The following WDFY3 variants were observed in gnomAD, a reference collection of about 807,000 sequenced individuals.
WDFY3 encodes WD repeat and FYVE domain-containing protein 3.
In WDFY3, 66 loss-of-function variants were observed where a neutral mutation model predicts 409.6. The observed-to-expected ratio is 0.16, with a 90% CI of 0.13 to 0.20. WDFY3 has a LOEUF of 0.20. Ranked by LOEUF, WDFY3 falls within the 10% of genes least tolerant of loss-of-function variation. The pLI is 1.00. For missense variants in WDFY3, 3,031 were observed against 4,298.1 expected (o/e 0.71, Z 8.24); for synonymous variants, 1,521 against 1,537.1 (o/e 0.99, Z 0.25).
At chr4:84,942,668 C>T (rs1772293428) in intron 1 of WDFY3, among the ~76,000 whole-genome samples, 1 of 152,212 alleles carries the variant, frequency 6.6e-6, no homozygotes, top group African/African-American at 2.4e-5. Flanking sequence ...CCTTACCAAA[C>T]TTAACATCAT....
At chr4:84,947,547 T>A (rs1017903244) in intron 1 of WDFY3, among the ~76,000 whole-genome samples, 4 of 139,826 alleles carry the variant, frequency 2.9e-5, no homozygotes, top group African/African-American at 1.0e-4. Context: ...ATAATAAAAA[T>A]AATAAATAAA....
intron 44 of WDFY3, among the ~76,000 whole-genome samples, chr4:84,729,607 T>C (rs925863643): frequency 6.6e-6 from 1 of 151,850 alleles, no homozygotes; most frequent in African/African-American, 2.4e-5. Context: ...ATAAATAAAA[T>C]TCAAAACTTA....
At chr4:84,941,502 A>G (rs976809189) in intron 1 of WDFY3, among the ~76,000 whole-genome samples, 1 of 152,090 alleles carries the variant, frequency 6.6e-6, no homozygotes, top group East Asian at 1.9e-4. Flanking sequence ...TGAGATAATC[A>G]TTGATAACAA....
At chr4:84,963,234 GCCAACAGGGTAAAAC>G (rs1384725888) in intron 1 of WDFY3, among the ~76,000 whole-genome samples, 1 of 151,786 alleles carries the variant, frequency 6.6e-6, no homozygotes, top group Non-Finnish European at 1.5e-5. Flanking sequence ...GACTAGCTTG[GCCAACAGGGTAAAAC>G]CCCGTCTCCA....
chr4:84,718,529 A>G lies in WDFY3; in HGVS notation c.7647T>C (p.Asp2549=). ...CAAAAAGAAGGAGCCCCTCACTGGT[A>G]TCTAGGCCCTGGACTCGAGCACAGC... is the stretch of plus-strand genomic sequence containing the variant. The part of the protein sequence containing the change: ...MYRCARVQGL[D]TSEGLLLFGK... The change falls in exon 48 of 68, where the codon GAT becomes GAC. Residue 2549 remains aspartate, a synonymous_variant. Transcript: ENST00000295888. 6.2e-7 allele frequency: 1 copy of G among 1,614,094 alleles called. No individual in the cohort carries two copies. Among genetic ancestry groups the G allele is most frequent in the Non-Finnish European group, 8.5e-7 (1 of 1,179,972 alleles).
chr4:84,739,182 T>A, intron 39 of WDFY3, 63 bp from the exon 40 acceptor site: 1 of 1,466,940 alleles, frequency 6.8e-7, no homozygotes, highest in Non-Finnish European at 9.5e-7. Flanking sequence ...CTACAGTAAC[T>A]AAGAATTACT....
At chr4:84,895,147 T>C (rs1561024339) in intron 3 of WDFY3, among the ~76,000 whole-genome samples, 1 of 152,186 alleles carries the variant, frequency 6.6e-6, no homozygotes, top group Non-Finnish European at 1.5e-5. Flanking sequence ...TTGTATATGT[T>C]AACATTTACT....
intron 6 of WDFY3, 29 bp from the exon 7 acceptor site, chr4:84,837,119 T>A (rs765542885): frequency 6.9e-7 from 1 of 1,458,986 alleles, no homozygotes; most frequent in Admixed American, 2.2e-5. Flanking sequence ...AATAAGTGAA[T>A]AGATAGACAC....
At position 84,683,981 on chromosome 4, in the gene WDFY3, T is replaced by C. The variant is rs2148798032; in HGVS notation, c.9688A>G (p.Asn3230Asp). The C allele has an allele frequency of 6.2e-7, 1 of 1,611,944 alleles. No individual in the cohort carries two copies. Among genetic ancestry groups the C allele is most frequent in the Admixed American group, 1.7e-5 (1 of 59,978 alleles). Reference protein sequence around the residue: ...MSEMNEWDTQNVIVTGHSDGV... With the variant: ...MSEMNEWDTQDVIVTGHSDGV... ...TCTGAGTGTCCTGTCACTATGACGTTCTGCGTGTCCCATTCGTTCATCTCC... is the reference window on the plus strand; with the variant it reads ...TCTGAGTGTCCTGTCACTATGACGTCCTGCGTGTCCCATTCGTTCATCTCC... The change falls in exon 63 of 68, where the codon AAC becomes GAC. Residue 3230 changes from asparagine (N) to aspartate (D), a missense_variant. Transcript: ENST00000295888.
intron 3 of WDFY3, among the ~76,000 whole-genome samples, chr4:84,881,456 A>G (rs1763521930): frequency 6.6e-6 from 1 of 152,126 alleles, no homozygotes; most frequent in South Asian, 2.1e-4. Context: ...CCTTTCACCA[A>G]ATCTTTTTCT....
At chr4:84,790,655 C>T (rs1002964339) in intron 21 of WDFY3, among the ~76,000 whole-genome samples, 2 of 151,962 alleles carry the variant, frequency 1.3e-5, no homozygotes, top group African/African-American at 4.8e-5. Context: ...AAGGAAACAA[C>T]AGAGTGAAAA....
At chr4:84,900,179 G>A (rs1006050455) in intron 2 of WDFY3, among the ~76,000 whole-genome samples, 34 of 152,146 alleles carry the variant, frequency 2.2e-4, no homozygotes, top group Admixed American at 1.9e-3. Context: ...CCTTCAGCAA[G>A]TGAATAGACA....
intron 64 of WDFY3, 41 bp from the exon 65 acceptor site, chr4:84,679,283 C>A: frequency 6.9e-7 from 1 of 1,443,412 alleles, no homozygotes; most frequent in South Asian, 1.5e-5. Context: ...ACGGAACCAT[C>A]AAAGTTACAC....
intron 36 of WDFY3, among the ~76,000 whole-genome samples, chr4:84,747,570 G>A (rs1486477866): frequency 6.6e-6 from 1 of 152,142 alleles, no homozygotes; most frequent in Non-Finnish European, 1.5e-5. Flanking sequence ...TATGTTGGCT[G>A]TATCCCCTAC....
intron 59 of WDFY3, among the ~76,000 whole-genome samples, chr4:84,692,383 A>AG (rs1409143918): frequency 6.6e-6 from 1 of 152,202 alleles, no homozygotes; most frequent in East Asian, 1.9e-4. Flanking sequence ...GACAACTTCA[A>AG]GATTTTGCAG....
chr4:84,844,443 G>C, intron 5 of WDFY3: 1 of 1,288,754 alleles, frequency 7.8e-7, no homozygotes, highest in Non-Finnish European at 1.0e-6. Context: ...CCACATCTTG[G>C]GAATGAAATT....
At chr4:84,908,667 G>A (rs1398555694) in intron 2 of WDFY3, among the ~76,000 whole-genome samples, 1 of 152,136 alleles carries the variant, frequency 6.6e-6, no homozygotes, top group Admixed American at 6.6e-5. Flanking sequence ...TTTATTGCTA[G>A]TATGAAGTAT....
intron 53 of WDFY3, among the ~76,000 whole-genome samples, chr4:84,706,644 C>T (rs1312337126): frequency 1.3e-5 from 2 of 151,796 alleles, no homozygotes; most frequent in African/African-American, 4.8e-5. Flanking sequence ...AGAAGGGTCC[C>T]CATCACCGGG....
intron 66 of WDFY3, among the ~76,000 whole-genome samples, 194 bp downstream of exon 66, chr4:84,677,961 CAAAAAAAAAAAAA>C (rs986393073): frequency 3.8e-4 from 8 of 21,182 alleles, no homozygotes; most frequent in South Asian, 3.3e-3. Context: ...GACCCTGTCT[CAAAAAAAAAAAAA>C]AAAAAAAAAA....
Sources: allele counts gnomAD v4.1 joint callset (sites outside exome capture counted in the v4.1 genomes callset), GRCh38; gene constraint gnomAD v4.1.1; transcripts MANE v1.5; gene names NCBI Gene and HGNC (gene_info 2026-07-23, HGNC 2026-07-21).